Variants in TRPM5 observed in about 807,000 individuals in gnomAD.
TRPM5 encodes the protein transient receptor potential cation channel subfamily M member 5, also known as MLSN1 and TRP-related.
In TRPM5, 121 loss-of-function variants were observed where a neutral mutation model predicts 124.9. That is an observed-to-expected ratio of 0.97 (90% CI 0.84 to 1.13). The LOEUF (loss-of-function observed/expected upper bound fraction) is 1.13. Among genes scored for constraint, TRPM5 ranks in the 50% most tolerant of loss-of-function variants. The pLI is 0.00. For synonymous variants in TRPM5, 781 were observed against 700.5 expected, an observed-to-expected ratio of 1.11 and a Z score of -1.81; for missense variants, 1,643 against 1,589.1, an observed-to-expected ratio of 1.03 and a Z score of -0.58.
chr11:2,405,432 G>C, intron 23 of TRPM5, 95 bp downstream of exon 28: 1 of 1,314,050 alleles, frequency 7.6e-7, no homozygotes, highest in African/African-American at 1.5e-5. Flanking sequence ...GCCAGGCAGG[G>C]AAGGCAGAGC....
rs759668635 is a variant in TRPM5, at chr11:2,406,112, C to G, written c.3252-21G>C. On this transcript the variant is annotated intron_variant, in intron 21 of 23. Coordinates refer to ENST00000155858, the Ensembl canonical transcript of TRPM5. ...CCACTCTGCGGCAGGAGCAGGTGGT[C>G]AGGCTGTGGATGGCCACGCGGTGCT... 1.9e-6 allele frequency: 3 copies of G among 1,609,954 alleles called. No homozygotes were observed. In the Admixed American group the frequency reaches 5.0e-5, roughly 27 times the overall value.
rs1371277519 is a variant in TRPM5, at chr11:2,416,091, G to T, written c.1010-67C>A. 30 of 1,214,780 alleles carry T rather than the reference G, an allele frequency of 2.5e-5. No homozygotes were observed. In the Admixed American group the frequency reaches 3.9e-4, roughly 16 times the overall value. 75.3% of individuals were successfully genotyped at this position (1,214,780 alleles called of 1,614,324 possible). ...GGGCCTCACAGAGCCGGGGCACAGG[G>T]TCCCCAAAGGTGCGCTGCCTAGAGA... On this transcript the variant is annotated intron_variant, in intron 7 of 23. Coordinates refer to ENST00000155858, the Ensembl canonical transcript of TRPM5.
At chr11:2,430,116 G>T in the TRPM5 span, among the ~76,000 whole-genome samples, 1 of 152,004 alleles carries the variant, frequency 6.6e-6, no homozygotes, top group East Asian at 1.9e-4. Context: ...GTTCCTCCCC[G>T]CCTACAACCT....
At position 2,422,092 on chromosome 11, in the gene TRPM5, G is replaced by A. The variant is rs769287276; in HGVS notation, c.298+49C>T. On this transcript the variant is annotated intron_variant, in intron 2 of 23. Transcript: ENST00000155858. ...GGGTTGCGGGGACAGTCAGGGGGTC[G>A]GGCTGCCCTGTGGGGTGGGAGCGCT... The A allele has an allele frequency of 3.3e-6, 5 of 1,514,406 alleles. No individual in the cohort carries two copies. In the African/African-American group the frequency reaches 4.2e-5, roughly 13 times the overall value. 93.8% of individuals were successfully genotyped at this position (1,514,406 alleles called of 1,614,324 possible). A position where few individuals can be genotyped will look rare whatever the true frequency, so the allele number is the denominator to read the frequency against.
At chr11:2,437,111 T>G in the TRPM5 span, among the ~76,000 whole-genome samples, 47 of 152,340 alleles carry the variant, frequency 3.1e-4, no homozygotes, top group Admixed American at 2.7e-3. This position sits in a 1 kb window ranked among gnomAD's most constrained non-coding sequence, Gnocchi z 5.6. Flanking sequence ...GCTGCCTGTC[T>G]TAGGAGAAGG....
chr11:2,420,320 A>G (rs772519350), exon 4 of TRPM5: 1 of 1,612,594 alleles, frequency 6.2e-7, no homozygotes, highest in Non-Finnish European at 8.5e-7. Context: ...CTCCACCAGG[A>G]TGAAGTGGGA....
intron 13 of TRPM5, 37 bp downstream of exon 18, chr11:2,413,439 G>T: frequency 6.4e-7 from 1 of 1,564,876 alleles, no homozygotes; most frequent in Non-Finnish European, 8.7e-7. Flanking sequence ...TCGCACTGCT[G>T]CCTGTCCTGG....
intron 13 of TRPM5, 79 bp downstream of exon 18, chr11:2,413,397 C>A: frequency 7.1e-7 from 1 of 1,403,404 alleles, no homozygotes; most frequent in Non-Finnish European, 9.7e-7. Flanking sequence ...CCAGCACCTG[C>A]GAGGCCCAGG....
At chr11:2,410,512 C>T (rs572572105) in intron 18 of TRPM5, among the ~76,000 whole-genome samples, 1 of 152,268 alleles carries the variant, frequency 6.6e-6, no homozygotes, top group South Asian at 2.1e-4. Flanking sequence ...TGCTGGTCCA[C>T]CTTCCCAGAG....
chr11:2,421,007 G>A (rs753506698), intron 3 of TRPM5, 25 bp downstream of exon 8: 30 of 1,520,908 alleles, frequency 2.0e-5, no homozygotes, highest in Admixed American at 6.3e-5. Context: ...CCCAGCGGTC[G>A]TGGTGCTGGG....
the TRPM5 span, among the ~76,000 whole-genome samples, chr11:2,435,817 C>T: frequency 1.3e-5 from 2 of 152,244 alleles, no homozygotes; most frequent in East Asian, 3.8e-4. The surrounding 1 kb of genome is among the most constrained non-coding windows in gnomAD (Gnocchi z 4.1). Flanking sequence ...CTTCACCCAC[C>T]TGTTTTCTCC....
At chr11:2,411,809 G>T in intron 16 of TRPM5, 42 bp from the exon 22 acceptor site, 1 of 1,608,138 alleles carries the variant, frequency 6.2e-7, no homozygotes, top group Non-Finnish European at 8.5e-7. Flanking sequence ...GCCCAGAGAG[G>T]GGCAGAGGCT....
exon 6 of TRPM5, chr11:2,418,238 C>G: frequency 6.3e-7 from 1 of 1,586,700 alleles, no homozygotes; most frequent in Non-Finnish European, 8.6e-7. Flanking sequence ...AACTGCTTCT[C>G]GGCCACCTTG....
At chr11:2,425,207 G>C (rs1049928579), upstream of TRPM5, among the ~76,000 whole-genome samples, 4 of 152,138 alleles carry the variant, frequency 2.6e-5, no homozygotes, top group Non-Finnish European at 5.9e-5. Context: ...ACTCTCGGGG[G>C]CTCAAAACAA....
At chr11:2,433,689 C>T in the TRPM5 span, among the ~76,000 whole-genome samples, 6 of 152,366 alleles carry the variant, frequency 3.9e-5, no homozygotes, top group East Asian at 3.9e-4. Context: ...CCAGCGGGGC[C>T]GGGGCCAAGA....
At chr11:2,417,433 C>T (rs903170102) in intron 7 of TRPM5, among the ~76,000 whole-genome samples, 9 of 152,252 alleles carry the variant, frequency 5.9e-5, no homozygotes, top group East Asian at 1.9e-4. Flanking sequence ...CCAGCCTGGG[C>T]GACAGTGCGA....
At chr11:2,422,956 C>T (rs760798095) in exon 1 of TRPM5, 5 of 1,613,238 alleles carry the variant, frequency 3.1e-6, no homozygotes, top group African/African-American at 2.7e-5. Context: ...CAAAGTTGAC[C>T]TCGCCCCTGT....
chr11:2,421,432 C>T (rs747901596), intron 2 of TRPM5, among the ~76,000 whole-genome samples: 10 of 152,336 alleles, frequency 6.6e-5, no homozygotes, highest in Non-Finnish European at 1.5e-4. Context: ...AGTGGCACCC[C>T]CACCCCACCT....
chr11:2,418,341 C>T, exon 6 of TRPM5: 1 of 1,558,688 alleles, frequency 6.4e-7, no homozygotes, highest in Non-Finnish European at 8.7e-7. Context: ...CAGCCTGCTC[C>T]ACGGCCCTGG....
Sources: allele counts gnomAD v4.1 joint callset (sites outside exome capture counted in the v4.1 genomes callset), GRCh38; gene constraint gnomAD v4.1.1; non-coding constraint Gnocchi (gnomAD v3.1); transcripts MANE v1.5; gene names NCBI Gene and HGNC (gene_info 2026-07-23, HGNC 2026-07-21).